CACNB4: variants seen among roughly 807,000 people sequenced by gnomAD.
CACNB4 encodes the protein calcium voltage-gated channel auxiliary subunit beta 4, also known as voltage-dependent L-type calcium channel subunit beta-4.
A neutral mutation model predicts 71.2 loss-of-function variants in CACNB4; 32 were observed. The observed-to-expected ratio is 0.45, with a 90% CI of 0.34 to 0.60. The LOEUF is 0.60. CACNB4 is among the 20% of genes least tolerant of loss of function. The pLI, the probability that CACNB4 is intolerant of heterozygous loss-of-function variation, is 0.01. For missense variants in CACNB4, 464 were observed against 647.9 expected (o/e 0.72, Z 3.08); for synonymous variants, 231 against 236.9 (o/e 0.97, Z 0.23).
chr2:151,948,415 C>T (rs148325156), intron 2 of CACNB4, among the ~76,000 whole-genome samples: 3 of 152,228 alleles, frequency 2.0e-5, no homozygotes, highest in African/African-American at 7.2e-5. Context: ...AATCCCAACA[C>T]TTTGGAGGCC....
At chr2:151,932,987 T>C (rs2099862005) in intron 2 of CACNB4, among the ~76,000 whole-genome samples, 2 of 151,908 alleles carry the variant, frequency 1.3e-5, no homozygotes, top group South Asian at 4.2e-4. Flanking sequence ...GCAGGCTCCT[T>C]CCCTTGCAGG....
At chr2:151,976,215 AG>A (rs2099873771) in intron 2 of CACNB4, among the ~76,000 whole-genome samples, 1 of 152,228 alleles carries the variant, frequency 6.6e-6, no homozygotes, top group Admixed American at 6.5e-5. Context: ...CCTGCTTTCC[AG>A]GAAGTCAGAA....
intron 2 of CACNB4, among the ~76,000 whole-genome samples, chr2:152,003,221 T>C (rs1579107728): frequency 6.6e-6 from 1 of 152,312 alleles, no homozygotes; most frequent in African/African-American, 2.4e-5. Flanking sequence ...GGCAGGCAGA[T>C]TGCCTGAGGT....
intron 2 of CACNB4, among the ~76,000 whole-genome samples, chr2:152,014,134 C>T (rs1024929401): frequency 6.6e-6 from 1 of 152,152 alleles, no homozygotes; most frequent in Non-Finnish European, 1.5e-5. Flanking sequence ...CTTACTTGAG[C>T]TCAGGAGTTT....
At chr2:151,907,519 A>G (rs1305251146) in intron 2 of CACNB4, among the ~76,000 whole-genome samples, 1 of 152,266 alleles carries the variant, frequency 6.6e-6, no homozygotes, top group East Asian at 1.9e-4. Context: ...TTTGTCATAA[A>G]TAAGAAAGTA....
intron 2 of CACNB4, among the ~76,000 whole-genome samples, chr2:152,031,231 G>T (rs1185308077): frequency 2.0e-5 from 3 of 152,202 alleles, no homozygotes; most frequent in Non-Finnish European, 4.4e-5. Flanking sequence ...CCCCAGGACT[G>T]TTGGTCACCC....
rs576099400 is a variant in CACNB4, at chr2:151,969,187, G to T, written c.148-85817C>A. 3.3e-5 allele frequency: 5 copies of T among 152,274 alleles called. No homozygotes were observed. In the South Asian group the frequency reaches 1.0e-3, roughly 32 times the overall value. 9.4% of individuals were successfully genotyped at this position (152,274 alleles called of 1,614,324 possible). A position where few individuals can be genotyped will look rare whatever the true frequency, so the allele number is the denominator to read the frequency against. On this transcript the variant is annotated intron_variant, in intron 2 of 13. Transcript: ENST00000539935. ...CTGTGGTCAGAGATGCCAACATCCA[G>T]TCCTTGGATTCTCTTACAGATCAGT... is the stretch of plus-strand genomic sequence containing the variant.
intron 2 of CACNB4, among the ~76,000 whole-genome samples, chr2:152,005,930 C>T (rs1327631075): frequency 3.3e-5 from 5 of 152,168 alleles, no homozygotes; most frequent in Admixed American, 6.5e-5. Flanking sequence ...ATGCTCAGAA[C>T]GGTGCCTGGC....
intron 2 of CACNB4, among the ~76,000 whole-genome samples, chr2:152,008,906 T>C (rs1019498110): frequency 1.3e-5 from 2 of 152,128 alleles, no homozygotes; most frequent in African/African-American, 4.8e-5. Flanking sequence ...AAAGGCAACT[T>C]CCCTTGGTTC....
intron 2 of CACNB4, among the ~76,000 whole-genome samples, chr2:152,013,529 G>C (rs891460864): frequency 6.6e-6 from 1 of 152,080 alleles, no homozygotes; most frequent in African/African-American, 2.4e-5. Flanking sequence ...CTGTGTCCTT[G>C]TGAGTCCCAT....
At chr2:151,847,762 T>A (rs1022590127) in intron 12 of CACNB4, among the ~76,000 whole-genome samples, 2 of 152,178 alleles carry the variant, frequency 1.3e-5, no homozygotes, top group Non-Finnish European at 2.9e-5. Context: ...GGCACATGCC[T>A]GTAGTCCCAG....
At chr2:151,899,239 G>C (rs2099852809) in intron 2 of CACNB4, among the ~76,000 whole-genome samples, 1 of 152,158 alleles carries the variant, frequency 6.6e-6, no homozygotes, top group South Asian at 2.1e-4. Flanking sequence ...AGAGTTTAGG[G>C]GAAAATGCAG....
At chr2:152,083,309 C>T (rs537593949) in intron 2 of CACNB4, among the ~76,000 whole-genome samples, 1 of 146,534 alleles carries the variant, frequency 6.8e-6, no homozygotes, top group Non-Finnish European at 1.5e-5. Flanking sequence ...CCATTAGCTG[C>T]AAAAAGAAAG....
intron 2 of CACNB4, among the ~76,000 whole-genome samples, chr2:151,988,809 T>C (rs1036196108): frequency 1.3e-5 from 2 of 152,122 alleles, no homozygotes; most frequent in Admixed American, 6.5e-5. Flanking sequence ...CCCACTACCA[T>C]CACTTTGGGC....
At chr2:151,975,820 C>T (rs1412336736) in intron 2 of CACNB4, among the ~76,000 whole-genome samples, 1 of 152,222 alleles carries the variant, frequency 6.6e-6, no homozygotes, top group Non-Finnish European at 1.5e-5. Flanking sequence ...TTCTCCAGAT[C>T]ATTTCCCGAC....
chr2:152,035,236 G>C (rs564108288), intron 2 of CACNB4, among the ~76,000 whole-genome samples: 1 of 152,268 alleles, frequency 6.6e-6, no homozygotes, highest in Admixed American at 6.5e-5. Context: ...TCACTGTCTT[G>C]CTCCAAAAAT....
chr2:151,971,880 C>G (rs931805502), intron 2 of CACNB4: 6 of 439,886 alleles, frequency 1.4e-5, no homozygotes, highest in African/African-American at 1.2e-4. Flanking sequence ...TTCCCACCTT[C>G]CTCACCTCCA....
chr2:151,919,621 C>T (rs564506585), intron 2 of CACNB4, among the ~76,000 whole-genome samples: 2 of 152,092 alleles, frequency 1.3e-5, no homozygotes, highest in African/African-American at 2.4e-5. Context: ...AGAGAGAGAG[C>T]GCCTCCTCAA....
At chr2:152,009,810 G>A (rs1193336228) in intron 2 of CACNB4, among the ~76,000 whole-genome samples, 2 of 152,126 alleles carry the variant, frequency 1.3e-5, no homozygotes, top group East Asian at 1.9e-4. Flanking sequence ...CTCCCTCTGC[G>A]GGGACAGGCC....
Sources: allele counts gnomAD v4.1 joint callset (sites outside exome capture counted in the v4.1 genomes callset), GRCh38; gene constraint gnomAD v4.1.1; transcripts MANE v1.5; gene names NCBI Gene and HGNC (gene_info 2026-07-23, HGNC 2026-07-21).